TIMD4: variants seen among roughly 807,000 people sequenced by gnomAD.
TIMD4 encodes the protein T cell immunoglobulin and mucin domain containing 4.
In TIMD4, 31 loss-of-function variants were observed where a neutral mutation model predicts 41.2. That is an observed-to-expected ratio of 0.75 (90% CI 0.57 to 1.01). The LOEUF (loss-of-function observed/expected upper bound fraction) is 1.01, where lower values mean the gene tolerates loss of function less well. Ranked by LOEUF, TIMD4 falls within the 50% of genes least tolerant of loss-of-function variation. TIMD4 has a pLI of 0.00. For missense variants in TIMD4, 479 were observed against 472.5 expected, an observed-to-expected ratio of 1.01 and a Z score of -0.13; for synonymous variants, 204 against 177.1, an observed-to-expected ratio of 1.15 and a Z score of -1.21.
chr5:156,942,694 A>G lies in TIMD4; in HGVS notation c.844+5722T>C, dbSNP rs115738267. Among the ~76,000 whole-genome samples the G allele has an allele frequency of 5.4e-3, 822 of 152,296 alleles. 2 individuals carry two copies. The highest frequency in any genetic ancestry group is 8.5e-3 in the Non-Finnish European group (578 of 68,018). On this transcript the variant is annotated intron_variant, in intron 5 of 8. Coordinates refer to ENST00000274532, the MANE Select transcript of TIMD4 (RefSeq NM_138379.3). The stretch of plus-strand genomic sequence containing the variant: ...AAATTGGAGGAGAGCATTGAACTAG[A>G]AGACATGTACACAGAGTTGCTTTGT...
At chr5:156,919,998 G>A (rs1436498766) in intron 8 of TIMD4, among the ~76,000 whole-genome samples, 2 of 152,092 alleles carry the variant, frequency 1.3e-5, no homozygotes, top group African/African-American at 4.8e-5. Context: ...CCTTACTAGA[G>A]AATCTTCAAA....
chr5:156,949,308 A>T (rs905984444), intron 4 of TIMD4, among the ~76,000 whole-genome samples: 4 of 152,224 alleles, frequency 2.6e-5, no homozygotes, highest in African/African-American at 9.6e-5. Context: ...TCAGAATGAG[A>T]CAGCTAAGTG....
chr5:156,920,122 G>A (rs572691851), intron 8 of TIMD4, among the ~76,000 whole-genome samples: 78 of 152,062 alleles, frequency 5.1e-4, no homozygotes, highest in Non-Finnish European at 9.3e-4. Context: ...TATTGCCAAC[G>A]CTCCTCAATA....
At chr5:156,929,479 C>T (rs892780708) in intron 5 of TIMD4, among the ~76,000 whole-genome samples, 1 of 152,194 alleles carries the variant, frequency 6.6e-6, no homozygotes, top group African/African-American at 2.4e-5. Flanking sequence ...AATCATTCTA[C>T]ATTTAGGGTA....
chr5:156,921,982 T>A, intron 7 of TIMD4, 117 bp downstream of exon 7: 1 of 722,808 alleles, frequency 1.4e-6, no homozygotes, highest in Non-Finnish European at 2.3e-6. Context: ...ATGGGAACAA[T>A]GGCAGAACTG....
chr5:156,926,773 A>C (rs1759356108), intron 5 of TIMD4, among the ~76,000 whole-genome samples: 1 of 152,254 alleles, frequency 6.6e-6, no homozygotes, highest in African/African-American at 2.4e-5. Context: ...ATAGTTGAAA[A>C]CATAATTAGT....
intron 4 of TIMD4, among the ~76,000 whole-genome samples, chr5:156,949,220 G>C (rs1055746607): frequency 6.6e-6 from 1 of 152,024 alleles, no homozygotes; most frequent in African/African-American, 2.4e-5. Context: ...ACCAATTCTC[G>C]CTCCACTCTA....
chr5:156,935,710 G>T (rs1759526268), intron 5 of TIMD4: 1 of 152,194 alleles, frequency 6.6e-6, no homozygotes, highest in Non-Finnish European at 1.5e-5. Context: ...TCTGAACCTT[G>T]GCCTCAACCT....
intron 3 of TIMD4, among the ~76,000 whole-genome samples, chr5:156,949,990 T>C (rs1759824430): frequency 6.6e-6 from 1 of 152,144 alleles, no homozygotes; most frequent in South Asian, 2.1e-4. Flanking sequence ...GCTAATTTTG[T>C]ATTTTTAGTA....
In TIMD4 at chr5:156,963,096, C is replaced by T. The variant is rs369061647; in HGVS notation, c.58+45G>A. On this transcript the variant is annotated intron_variant, in intron 1 of 8. Coordinates refer to ENST00000274532, the MANE Select transcript of TIMD4 (RefSeq NM_138379.3). ...TGCATGGAAATCCATCACACAATAG[C>T]AAGTCCTCTGGAAACTTCTACATAG... 15 of 1,595,274 alleles carry T rather than the reference C, an allele frequency of 9.4e-6. No homozygotes were observed. In the African/African-American group the frequency reaches 2.0e-4, roughly 21 times the overall value.
rs555591587 is a variant in TIMD4 at position 156,936,846 on chromosome 5, C to T, written c.845-10534G>A. Among the ~76,000 whole-genome samples, 135 of 150,148 alleles carry T rather than the reference C, an allele frequency of 9.0e-4. 1 individual carries two copies. The highest frequency in any genetic ancestry group is 1.3e-3 in the Non-Finnish European group (90 of 67,714). The stretch of plus-strand genomic sequence containing the variant: ...ACTCAGGAGGTTGAGGTAGGAGAAT[C>T]GCTTGAACATGGGAGGCAGAGGTTG... On this transcript the variant is annotated intron_variant, in intron 5 of 8. Transcript: ENST00000274532.
intron 5 of TIMD4, among the ~76,000 whole-genome samples, chr5:156,930,583 C>T (rs1293622613): frequency 2.0e-5 from 3 of 152,214 alleles, no homozygotes; most frequent in South Asian, 4.1e-4. Flanking sequence ...GCTCGGTACT[C>T]ACCATGAGTG....
intron 2 of TIMD4, 25 bp downstream of exon 2, chr5:156,954,390 G>A (rs751914510): frequency 1.3e-5 from 20 of 1,596,986 alleles, no homozygotes; most frequent in Non-Finnish European, 1.6e-5. Flanking sequence ...TCCTTCCGCA[G>A]GCATGAGGCC....
At chr5:156,952,677 A>G (rs1759885216) in intron 2 of TIMD4, among the ~76,000 whole-genome samples, 1 of 152,220 alleles carries the variant, frequency 6.6e-6, no homozygotes, top group South Asian at 2.1e-4. Context: ...ATATGCTCTC[A>G]TAGTTTACCT....
intron 5 of TIMD4, among the ~76,000 whole-genome samples, chr5:156,940,493 C>T (rs560064598): frequency 1.3e-5 from 2 of 152,192 alleles, no homozygotes; most frequent in African/African-American, 2.4e-5. Context: ...CCGGCCGCCG[C>T]CCCGTCTAGG....
chr5:156,952,234 G>A (rs1262933614), intron 2 of TIMD4, among the ~76,000 whole-genome samples: 2 of 151,024 alleles, frequency 1.3e-5, no homozygotes, highest in African/African-American at 2.4e-5. Flanking sequence ...AGGTTGCAGT[G>A]AGCTGAGATA....
intron 5 of TIMD4, among the ~76,000 whole-genome samples, chr5:156,930,800 T>C (rs1481443290): frequency 6.6e-6 from 1 of 152,384 alleles, no homozygotes; most frequent in African/African-American, 2.4e-5. Flanking sequence ...GAAGGAGTCA[T>C]TCATCTCTCA....
rs370041754 is a variant in TIMD4 at position 156,954,728 on chromosome 5, C to T, written c.87G>A (p.Thr29=). 22 of 1,613,064 alleles carry T rather than the reference C, an allele frequency of 1.4e-5. No homozygotes were observed. The highest frequency in any genetic ancestry group is 2.2e-5 in the East Asian group (1 of 44,872). The change falls in exon 2 of 9, where the codon ACG becomes ACA. Residue 29 remains threonine (T), a synonymous_variant. Coordinates refer to ENST00000274532, the MANE Select transcript of TIMD4 (RefSeq NM_138379.3). ...LTPVTSETVV[T]EVLGHRVTLP... ...AAGTCACCCGGTGACCCAAAACCTCCGTCACAACAGTCTCTGAAGTGACTG... is the reference window on the plus strand; with the variant it reads ...AAGTCACCCGGTGACCCAAAACCTCTGTCACAACAGTCTCTGAAGTGACTG...
At chr5:156,941,703 T>C (rs1759654985) in intron 5 of TIMD4, among the ~76,000 whole-genome samples, 1 of 152,242 alleles carries the variant, frequency 6.6e-6, no homozygotes. Context: ...TGGTTTGTTA[T>C]GCACAAGCCT....
Sources: allele counts gnomAD v4.1 joint callset (sites outside exome capture counted in the v4.1 genomes callset), GRCh38; gene constraint gnomAD v4.1.1; transcripts MANE v1.5; gene names NCBI Gene and HGNC (gene_info 2026-07-23, HGNC 2026-07-21).